The following TLN2 variants were observed in gnomAD, a reference collection of about 807,000 sequenced individuals.
TLN2 encodes the protein talin-2.
A neutral mutation model predicts 294.7 loss-of-function variants in TLN2; 118 were observed. The observed-to-expected ratio is 0.40, with a 90% CI of 0.34 to 0.47. The LOEUF (loss-of-function observed/expected upper bound fraction) is 0.47. TLN2 is among the 20% of genes least tolerant of loss of function. The probability of loss-of-function intolerance (pLI) is 0.84; values close to 1 mark genes in which losing one functional copy is unlikely to be tolerated. For missense variants in TLN2, 3,083 were observed against 3,282.2 expected, an observed-to-expected ratio of 0.94 and a Z score of 1.48; for synonymous variants, 1,431 against 1,304.5, an observed-to-expected ratio of 1.10 and a Z score of -2.09.
chr15:62,807,347 T>C (rs1363222659), intron 51 of TLN2, among the ~76,000 whole-genome samples: 1 of 152,222 alleles, frequency 6.6e-6, no homozygotes, highest in South Asian at 2.1e-4. Flanking sequence ...AGAGTAATTA[T>C]TCTGTTTGTT....
intron 37 of TLN2, among the ~76,000 whole-genome samples, chr15:62,758,905 A>G (rs927526380): frequency 6.6e-6 from 1 of 152,110 alleles, no homozygotes; most frequent in African/African-American, 2.4e-5. Flanking sequence ...TTGGGAGTTT[A>G]AGCTTAAATT....
chr15:62,559,808 C>G (rs2042815337), intron 1 of TLN2, among the ~76,000 whole-genome samples: 2 of 152,230 alleles, frequency 1.3e-5, no homozygotes, highest in African/African-American at 4.8e-5. Context: ...TACCTGGTCC[C>G]TCTTTTGGTG....
At chr15:62,757,521 C>G (rs576270517) in intron 37 of TLN2, among the ~76,000 whole-genome samples, 1 of 152,196 alleles carries the variant, frequency 6.6e-6, no homozygotes, top group Non-Finnish European at 1.5e-5. Context: ...GTCGAAATTT[C>G]TGGAGCCCTT....
chr15:62,656,586 C>G (rs1299036445), intron 8 of TLN2, among the ~76,000 whole-genome samples: 3 of 152,188 alleles, frequency 2.0e-5, no homozygotes, highest in Non-Finnish European at 4.4e-5. Flanking sequence ...GTGGATTGCA[C>G]TAGATTGTCC....
In TLN2 at chr15:62,739,484, A is replaced by T; in HGVS notation, c.3824A>T (p.Lys1275Met). 6.2e-7 allele frequency: 1 copy of T among 1,614,222 alleles called. No homozygotes were observed. The highest frequency in any genetic ancestry group is 8.5e-7 in the Non-Finnish European group (1 of 1,180,042). Residue 1275 changes from lysine to methionine, a missense_variant, in exon 31 of 59, where the codon AAG becomes ATG. Coordinates refer to ENST00000636159, the MANE Select transcript of TLN2 (RefSeq NM_015059.3). ...QSGELAAASG[K>M]FSDDFDEFLD... ...GGAGAGTTGGCTGCAGCCTCTGGAA[A>T]GTTCAGTGATGATTTTGATGAATTC...
intron 58 of TLN2, 98 bp downstream of exon 58, chr15:62,839,079 C>T: frequency 6.8e-7 from 1 of 1,470,978 alleles, no homozygotes; most frequent in South Asian, 1.3e-5. Context: ...AAGTTTATTT[C>T]TTCCTCGTGT....
chr15:62,479,306 G>A (rs2037953790), intron 1 of TLN2, among the ~76,000 whole-genome samples: 1 of 152,098 alleles, frequency 6.6e-6, no homozygotes, highest in African/African-American at 2.4e-5. Flanking sequence ...GTAAAGGCGG[G>A]AGATGATTTT....
At chr15:62,744,302 A>G (rs1291508920) in intron 32 of TLN2, among the ~76,000 whole-genome samples, 1 of 151,604 alleles carries the variant, frequency 6.6e-6, no homozygotes, top group African/African-American at 2.4e-5. Context: ...TCTTTCATCC[A>G]ACTTCTTTGT....
rs146982472 is a variant in TLN2 at position 62,807,174 on chromosome 15, G to A, written c.6663+1389G>A. Among the ~76,000 whole-genome samples the A allele has an allele frequency of 7.0e-4, 106 of 152,242 alleles. 1 individual carries two copies. In the East Asian group the frequency reaches 0.019, roughly 27 times the overall value. ...CTGCAAGTATTGGCCACTTTGATAT[G>A]CTCAGTGGAGTCCACCTACCATAAG... is the stretch of plus-strand genomic sequence containing the variant. On this transcript the variant is annotated intron_variant, in intron 51 of 58. Coordinates refer to ENST00000636159, the MANE Select transcript of TLN2 (RefSeq NM_015059.3).
At chr15:62,632,468 G>T (rs544372197) in intron 3 of TLN2, among the ~76,000 whole-genome samples, 1 of 152,126 alleles carries the variant, frequency 6.6e-6, no homozygotes, top group Admixed American at 6.5e-5. Flanking sequence ...TGTACTGCTT[G>T]CTACTGTCCT....
chr15:62,666,762 A>G (rs1057005958), intron 9 of TLN2, among the ~76,000 whole-genome samples: 16 of 152,132 alleles, frequency 1.1e-4, no homozygotes, highest in African/African-American at 3.9e-4. Context: ...TGCTACACTC[A>G]GTTGCAGACA....
At chr15:62,484,124 T>C (rs1161263322) in intron 1 of TLN2, among the ~76,000 whole-genome samples, 2 of 152,092 alleles carry the variant, frequency 1.3e-5, no homozygotes, top group Non-Finnish European at 2.9e-5. Flanking sequence ...GCGGCTCTGG[T>C]GATTTGTAGG....
chr15:62,583,839 A>G lies in TLN2; in HGVS notation c.-237-5848A>G, dbSNP rs187075006. Among the ~76,000 whole-genome samples the G allele has an allele frequency of 3.1e-3, 479 of 152,304 alleles. 5 individuals carry two copies. The highest frequency in any genetic ancestry group is 1.6e-3 in the Non-Finnish European group (112 of 68,034). ...TTGATTTTTATCATAACTGTTTTTA[A>G]AATTTTAAGAGAGGAGGGTCAGTGA... On this transcript the variant is annotated intron_variant, in intron 1 of 58. Transcript: ENST00000636159.
At chr15:62,731,282 ATT>A (rs59180628) in intron 28 of TLN2, among the ~76,000 whole-genome samples, 2 of 140,524 alleles carry the variant, frequency 1.4e-5, no homozygotes, top group East Asian at 2.1e-4. Flanking sequence ...ATTGTCAGGG[ATT>A]TTTTTTTTTT....
intron 8 of TLN2, among the ~76,000 whole-genome samples, chr15:62,656,648 A>C (rs2053244845): frequency 6.6e-6 from 1 of 152,114 alleles, no homozygotes; most frequent in African/African-American, 2.4e-5. Context: ...GTCCTCTCCT[A>C]CCAGCTTCCT....
chr15:62,564,905 C>CAAAAAA (rs60087745), intron 1 of TLN2, among the ~76,000 whole-genome samples: 2 of 112,834 alleles, frequency 1.8e-5, no homozygotes, highest in African/African-American at 7.2e-5. Context: ...AACTCCATCT[C>CAAAAAA]AAAAAAAAAA....
intron 1 of TLN2, among the ~76,000 whole-genome samples, chr15:62,553,562 A>C (rs1420703545): frequency 6.6e-6 from 1 of 152,232 alleles, no homozygotes; most frequent in African/African-American, 2.4e-5. Context: ...TTAAAATACA[A>C]CTTAAAATCC....
chr15:62,782,154 C>G (rs1189955248), intron 44 of TLN2, among the ~76,000 whole-genome samples: 1 of 152,240 alleles, frequency 6.6e-6, no homozygotes, highest in Non-Finnish European at 1.5e-5. Context: ...CCCAGGTCCC[C>G]TCTGAGTGGT....
intron 1 of TLN2, among the ~76,000 whole-genome samples, chr15:62,544,733 T>TC (rs2041893422): frequency 6.6e-6 from 1 of 151,764 alleles, no homozygotes; most frequent in Non-Finnish European, 1.5e-5. Context: ...AAGCTTTTTT[T>TC]TTTTTTTCTT....
Sources: allele counts gnomAD v4.1 joint callset (sites outside exome capture counted in the v4.1 genomes callset), GRCh38; gene constraint gnomAD v4.1.1; transcripts MANE v1.5; gene names NCBI Gene and HGNC (gene_info 2026-07-23, HGNC 2026-07-21).